The following ZNF529 variants were observed in gnomAD, a reference collection of about 807,000 sequenced individuals.
ZNF529 encodes zinc finger protein 529.
In ZNF529, 11 loss-of-function variants were observed where a neutral mutation model predicts 10.1. The observed-to-expected ratio is 1.09, with a 90% CI of 0.69 to 1.81. The LOEUF is 1.81. Ranked by LOEUF, ZNF529 falls within the 40% of genes most tolerant of loss-of-function variation. The probability of loss-of-function intolerance (pLI) is 0.00; values close to 1 mark genes in which losing one functional copy is unlikely to be tolerated. For synonymous variants in ZNF529, 204 were observed against 215.7 expected (o/e 0.95, Z 0.47); for missense variants, 624 against 666.8 (o/e 0.94, Z 0.71).
intron 2 of ZNF529, 51 bp downstream of exon 2, chr19:36,572,282 T>C: frequency 6.5e-7 from 1 of 1,546,884 alleles, no homozygotes; most frequent in South Asian, 1.2e-5. Context: ...TGTTGTTAAT[T>C]GGGAAGAGAA....
intron 2 of ZNF529, among the ~76,000 whole-genome samples, chr19:36,563,765 G>C (rs2035799116): frequency 6.6e-6 from 1 of 152,130 alleles, no homozygotes; most frequent in Non-Finnish European, 1.5e-5. Context: ...CACAGAACTA[G>C]AAAAAGCTAT....
rs1292799371 is a variant in ZNF529 at position 36,545,875 on chromosome 19, G to A, written c.*991C>T. 1 of 151,938 alleles carries A rather than the reference G, an allele frequency of 6.6e-6. No individual in the cohort carries two copies. The allele number at this position is 151,938 out of a possible 1,614,324, so 9.4% of individuals were successfully genotyped here. On this transcript the variant is annotated 3_prime_UTR_variant, in exon 5 of 5. Coordinates refer to ENST00000591340, the MANE Select transcript of ZNF529 (RefSeq NM_020951.5). The stretch of plus-strand genomic sequence containing the variant: ...ATAAATTTTAAGAGACTTACTGGGT[G>A]AGTAGTTTTATCAAATATTTAAAAG...
chr19:36,557,002 G>A (rs929208570), intron 2 of ZNF529, among the ~76,000 whole-genome samples: 9 of 152,130 alleles, frequency 5.9e-5, no homozygotes, highest in African/African-American at 1.7e-4. Context: ...CAGAAACTGA[G>A]AGACACCTGG....
intron 2 of ZNF529, among the ~76,000 whole-genome samples, chr19:36,566,709 C>A (rs1022037804): frequency 1.3e-5 from 2 of 151,536 alleles, no homozygotes; most frequent in Admixed American, 6.6e-5. Flanking sequence ...TGGAATGATA[C>A]CTTGTCTCAA....
rs2035350729 is a variant in ZNF529, at chr19:36,553,704, C to T, written c.235+966G>A. On this transcript the variant is annotated intron_variant, in intron 4 of 4. Transcript: ENST00000591340. ...ACACACAGTATGTTAAAAGTTCTCC[C>T]AGAAGGCAGGTAAGAATATAAAGTA... Among the ~76,000 whole-genome samples the T allele has an allele frequency of 2.6e-5, 4 of 152,106 alleles. No individual in the cohort carries two copies. The South Asian group carries it at 8.3e-4, about 32-fold the overall frequency.
chr19:36,579,824 A>G (rs1468273722), intron 2 of ZNF529, among the ~76,000 whole-genome samples: 6 of 152,226 alleles, frequency 3.9e-5, no homozygotes, highest in East Asian at 3.8e-4. Flanking sequence ...CAGTACACTT[A>G]GGCTTCACTA....
In ZNF529 at chr19:36,547,506, G is replaced by C; in HGVS notation, c.1052C>G (p.Ser351Ter). The C allele has an allele frequency of 5.0e-6, 8 of 1,613,378 alleles. No homozygotes were observed. Among genetic ancestry groups the C allele is most frequent in the Non-Finnish European group, 6.8e-6 (8 of 1,179,416 alleles). The change falls in exon 5 of 5, where the codon TCA becomes TGA. Residue 351 changes from serine to a stop codon, truncating the protein, a stop_gained. Transcript: ENST00000591340. LOFTEE classifies it low-confidence loss of function (END_TRUNC). ...AATTCTCTGATGTTCAATGAGCTGT[G>C]AACTAATTCTAAAAACCTTCTCACA... Reference protein sequence around the residue: ...MHCEKVFRISSQLIEHQRIHT... With the variant: ...MHCEKVFRIS
chr19:36,570,204 T>C (rs1225474799), intron 2 of ZNF529, among the ~76,000 whole-genome samples: 1 of 151,396 alleles, frequency 6.6e-6, no homozygotes, highest in Admixed American at 6.6e-5. Flanking sequence ...ATACAAATAA[T>C]ACAAAAATTA....
chr19:36,596,936 C>T (rs972989365), intron 1 of ZNF529, among the ~76,000 whole-genome samples: 1 of 152,074 alleles, frequency 6.6e-6, no homozygotes, highest in Non-Finnish European at 1.5e-5. Flanking sequence ...TGCAGTGGCT[C>T]AATCACAGCT....
At chr19:36,549,932 G>A (rs2035195021) in intron 4 of ZNF529, among the ~76,000 whole-genome samples, 1 of 152,032 alleles carries the variant, frequency 6.6e-6, no homozygotes, top group Non-Finnish European at 1.5e-5. Context: ...TCTGAGCAAG[G>A]GCTTATGTGT....
chr19:36,554,090 G>A (rs1210899223), intron 4 of ZNF529, among the ~76,000 whole-genome samples: 1 of 152,134 alleles, frequency 6.6e-6, no homozygotes, highest in African/African-American at 2.4e-5. Flanking sequence ...TACTCAACCT[G>A]TAATGTCTCA....
upstream of ZNF529, chr19:36,574,901 G>A (rs933696764): frequency 6.4e-6 from 3 of 471,062 alleles, no homozygotes; most frequent in African/African-American, 4.0e-5. Flanking sequence ...TGGGTAATTG[G>A]TAAGTTTACA....
intron 1 of ZNF529, among the ~76,000 whole-genome samples, chr19:36,598,908 A>G (rs531873041): frequency 8.5e-5 from 13 of 152,226 alleles, no homozygotes; most frequent in Non-Finnish European, 1.6e-4. Context: ...TATAAAGCTA[A>G]TATCTTACAA....
Position 36,548,076 on chromosome 19 carries a change from G to C in ZNF529, c.482C>G (p.Pro161Arg). The C allele has an allele frequency of 6.2e-7, 1 of 1,613,742 alleles. No homozygotes were observed. Among genetic ancestry groups the C allele is most frequent in the South Asian group, 1.1e-5 (1 of 91,062 alleles). Residue 161 changes from proline to arginine, a missense_variant, in exon 5 of 5, where the codon CCT (proline) becomes CGT (arginine). Coordinates refer to ENST00000591340, the MANE Select transcript of ZNF529 (RefSeq NM_020951.5). The stretch of plus-strand genomic sequence containing the variant: ...CTTCTCACTGTCATGAGTTCTCCGA[G>C]GTAAAGTAAGAGATTCATGAGTTTT... ...SYKTHESLTLPRRTHDSEKPY... is the reference protein window; with the variant it reads ...SYKTHESLTLRRRTHDSEKPY...
chr19:36,576,201 A>C (rs2036313348), upstream of ZNF529, among the ~76,000 whole-genome samples: 1 of 152,122 alleles, frequency 6.6e-6, no homozygotes, highest in South Asian at 2.1e-4. Flanking sequence ...TGAAAAAAAG[A>C]ATCCAAAAGA....
chr19:36,559,134 A>G (rs1008812344), intron 2 of ZNF529, among the ~76,000 whole-genome samples: 1 of 152,192 alleles, frequency 6.6e-6, no homozygotes, highest in Non-Finnish European at 1.5e-5. Context: ...GAAAGAAAAA[A>G]AATGTTGACA....
Position 36,546,876 on chromosome 19 carries a change from G to T in ZNF529, c.1682C>A (p.Ser561Ter). ...CQPKIYTGEKSFD is the reference protein window; with the variant it reads ...CQPKIYTGEK Reference sequence around the variant, plus strand: ...CTTTATACATTTATTTCAGTCAAATGATTTCTCACCAGTGTAAATTTTCGG... The same window carrying T: ...CTTTATACATTTATTTCAGTCAAATTATTTCTCACCAGTGTAAATTTTCGG... The change falls in exon 5 of 5, where the codon TCA (serine) becomes TAA (stop). Residue 561 changes from serine (S) to a stop codon, truncating the protein, a stop_gained. Coordinates refer to ENST00000591340, the MANE Select transcript of ZNF529 (RefSeq NM_020951.5). LOFTEE classifies it high-confidence loss of function. 1.2e-6 allele frequency: 2 copies of T among 1,605,954 alleles called. No individual in the cohort carries two copies. Among genetic ancestry groups the T allele is most frequent in the Non-Finnish European group, 1.7e-6 (2 of 1,175,862 alleles).
chr19:36,555,201 T>C (rs2035419294), intron 3 of ZNF529, among the ~76,000 whole-genome samples: 1 of 152,224 alleles, frequency 6.6e-6, no homozygotes, highest in South Asian at 2.1e-4. Flanking sequence ...ATGAATAAAA[T>C]TAAAGATTTC....
upstream of ZNF529, chr19:36,577,245 C>T: frequency 2.3e-6 from 1 of 440,964 alleles, no homozygotes; most frequent in Non-Finnish European, 4.6e-6. Flanking sequence ...CAGGTGTGAA[C>T]CACCGTGCCC....
Sources: allele counts gnomAD v4.1 joint callset (sites outside exome capture counted in the v4.1 genomes callset), GRCh38; gene constraint gnomAD v4.1.1; transcripts MANE v1.5; gene names NCBI Gene and HGNC (gene_info 2026-07-23, HGNC 2026-07-21).